The following FARS2 variants were observed in gnomAD, a reference collection of about 807,000 sequenced individuals.
The protein encoded by FARS2 is phenylalanyl-tRNA synthetase 2, mitochondrial.
In FARS2, 40 loss-of-function variants were observed where a neutral mutation model predicts 46.4. That is an observed-to-expected ratio of 0.86 (90% CI 0.67 to 1.12). FARS2 has a LOEUF of 1.12. Among genes scored for constraint, FARS2 ranks in the 50% most tolerant of loss-of-function variants. FARS2 has a pLI of 0.00. For synonymous variants in FARS2, 234 were observed against 214.9 expected, an observed-to-expected ratio of 1.09 and a Z score of -0.78; for missense variants, 513 against 567.9, an observed-to-expected ratio of 0.90 and a Z score of 0.98.
intron 6 of FARS2, among the ~76,000 whole-genome samples, chr6:5,710,621 C>G (rs575835340): frequency 1.3e-5 from 2 of 152,310 alleles, no homozygotes; most frequent in African/African-American, 4.8e-5. Context: ...CCAGGAGTCT[C>G]TCAATTCACA....
intron 5 of FARS2, among the ~76,000 whole-genome samples, chr6:5,581,088 G>A (rs954158815): frequency 2.0e-5 from 3 of 152,236 alleles, no homozygotes; most frequent in Non-Finnish European, 2.9e-5. Flanking sequence ...AGCCTTAAAG[G>A]TGTGCAAAAT....
chr6:5,534,812 TAC>T (rs1230762787), intron 4 of FARS2, among the ~76,000 whole-genome samples: 5 of 144,216 alleles, frequency 3.5e-5, no homozygotes, highest in Non-Finnish European at 6.2e-5. Flanking sequence ...CACATATGTA[TAC>T]ACACACATGC....
At chr6:5,409,979 G>A (rs1761842030) in intron 3 of FARS2, among the ~76,000 whole-genome samples, 1 of 152,156 alleles carries the variant, frequency 6.6e-6, no homozygotes, top group South Asian at 2.1e-4. Flanking sequence ...GTGGGAAGGT[G>A]ACTGGAACCT....
At position 5,544,268 on chromosome 6, in the gene FARS2, T is replaced by C. The variant is rs547549949; in HGVS notation, c.905-912T>C. On this transcript the variant is annotated intron_variant, in intron 4 of 6. Transcript: ENST00000274680. The stretch of plus-strand genomic sequence containing the variant: ...GAGTCCTAGATAAAAAGTAAAGCAG[T>C]CACAGGCTTAAATTCCCATTGTGTT... Among the ~76,000 whole-genome samples, 9 of 152,272 alleles carry C rather than the reference T, an allele frequency of 5.9e-5. No individual in the cohort carries two copies. The South Asian group carries it at 1.2e-3, about 21-fold the overall frequency.
intron 2 of FARS2, among the ~76,000 whole-genome samples, chr6:5,403,788 ATCT>A (rs1761398827): frequency 6.6e-6 from 1 of 152,188 alleles, no homozygotes; most frequent in Non-Finnish European, 1.5e-5. Context: ...TTTTGAGCCA[ATCT>A]TCTACCAAGT....
chr6:5,593,650 G>T (rs1358548771), intron 5 of FARS2, among the ~76,000 whole-genome samples: 1 of 152,204 alleles, frequency 6.6e-6, no homozygotes, highest in East Asian at 1.9e-4. Context: ...AAGGACAATG[G>T]TGAGGCTCCG....
In FARS2 at chr6:5,764,124, G is replaced by T. The variant is rs1194373886; in HGVS notation, c.1218-7167G>T. Among the ~76,000 whole-genome samples the T allele has an allele frequency of 2.6e-5, 4 of 152,034 alleles. No individual in the cohort carries two copies. Among genetic ancestry groups the T allele is most frequent in the African/African-American group, 4.8e-5 (2 of 41,378 alleles). On this transcript the variant is annotated intron_variant, in intron 6 of 6. Transcript: ENST00000274680. This position sits in a 1 kb window ranked among gnomAD's most constrained non-coding sequence, Gnocchi z 4.1. ...CTGGCTCTGTATTAACACTCTACAC[G>T]CCCCCTCATTCAGTCCTCACAAACC... is the stretch of plus-strand genomic sequence containing the variant.
chr6:5,735,338 T>G, intron 6 of FARS2, among the ~76,000 whole-genome samples: 1 of 152,228 alleles, frequency 6.6e-6, no homozygotes, highest in East Asian at 1.9e-4. Flanking sequence ...TTTCCTGTGA[T>G]CCTTCCTTTG....
chr6:5,770,064 G>C (rs1340682001), intron 6 of FARS2, among the ~76,000 whole-genome samples: 2 of 152,176 alleles, frequency 1.3e-5, no homozygotes, highest in Admixed American at 1.3e-4. Flanking sequence ...GGGAGAGGGA[G>C]AGGAAAGAGG....
At chr6:5,739,331 TAAA>T (rs58579538) in intron 6 of FARS2, among the ~76,000 whole-genome samples, 1 of 145,946 alleles carries the variant, frequency 6.9e-6, no homozygotes, top group Admixed American at 6.8e-5. Flanking sequence ...CCCCCGTCTC[TAAA>T]AAAAAAAAAA....
chr6:5,502,167 C>T (rs947639986), intron 4 of FARS2, among the ~76,000 whole-genome samples: 13 of 152,298 alleles, frequency 8.5e-5, no homozygotes, highest in Non-Finnish European at 1.2e-4. Context: ...CCAGCTGTGC[C>T]GTGGATCACT....
chr6:5,407,307 A>T (rs1761672759), intron 3 of FARS2, among the ~76,000 whole-genome samples: 1 of 151,554 alleles, frequency 6.6e-6, no homozygotes, highest in Non-Finnish European at 1.5e-5. Flanking sequence ...ATTTTTTCAT[A>T]CTCCAGATTT....
chr6:5,557,343 A>G (rs1402398968), intron 5 of FARS2, among the ~76,000 whole-genome samples: 2 of 152,128 alleles, frequency 1.3e-5, no homozygotes, highest in East Asian at 3.9e-4. Flanking sequence ...AGATTGAAGG[A>G]TGGTGACGGG....
chr6:5,317,117 A>G (rs746631638), intron 1 of FARS2, among the ~76,000 whole-genome samples: 4 of 152,208 alleles, frequency 2.6e-5, no homozygotes, highest in African/African-American at 4.8e-5. Context: ...AAGGAGACCA[A>G]ACAAGAATAC....
chr6:5,275,268 T>C (rs2127838307), intron 1 of FARS2, among the ~76,000 whole-genome samples: 1 of 152,326 alleles, frequency 6.6e-6, no homozygotes, highest in South Asian at 2.1e-4. Flanking sequence ...TCTTATACTC[T>C]TCACTCCAGT....
chr6:5,564,263 C>T (rs1201312282), intron 5 of FARS2, among the ~76,000 whole-genome samples: 3 of 152,164 alleles, frequency 2.0e-5, no homozygotes, highest in Non-Finnish European at 2.9e-5. Flanking sequence ...ATATAGAATT[C>T]TCCTTTGGGG....
At chr6:5,309,438 C>A (rs1435585691) in intron 1 of FARS2, among the ~76,000 whole-genome samples, 3 of 152,114 alleles carry the variant, frequency 2.0e-5, no homozygotes, top group African/African-American at 7.2e-5. Context: ...TTCATAAAAG[C>A]AAAATGATTA....
chr6:5,704,599 T>C (rs1304001971), intron 6 of FARS2, among the ~76,000 whole-genome samples: 5 of 152,196 alleles, frequency 3.3e-5, no homozygotes, highest in Non-Finnish European at 5.9e-5. Context: ...GCAACAATGG[T>C]TGGATCAGTT....
intron 6 of FARS2, among the ~76,000 whole-genome samples, chr6:5,761,005 C>T (rs1319942050): frequency 3.3e-5 from 5 of 152,206 alleles, no homozygotes; most frequent in Admixed American, 1.3e-4. Context: ...AACATATACT[C>T]AGCAAATCTT....
Sources: allele counts gnomAD v4.1 joint callset (sites outside exome capture counted in the v4.1 genomes callset), GRCh38; gene constraint gnomAD v4.1.1; non-coding constraint Gnocchi (gnomAD v3.1); transcripts MANE v1.5; gene names NCBI Gene and HGNC (gene_info 2026-07-23, HGNC 2026-07-21).